The following MRPL42 variants were observed in gnomAD, a reference collection of about 807,000 sequenced individuals.
MRPL42 encodes the protein mitochondrial ribosomal protein L42.
In MRPL42, 17 loss-of-function variants were observed where a neutral mutation model predicts 17.9. The ratio of observed to expected loss-of-function variants is 0.95; its 90% CI spans 0.65 to 1.42. The LOEUF (loss-of-function observed/expected upper bound fraction) is 1.42, where lower values mean the gene tolerates loss of function less well. Among genes scored for constraint, MRPL42 ranks in the 40% most tolerant of loss-of-function variants. The pLI is 0.00. For synonymous variants in MRPL42, 59 were observed against 54.4 expected, an observed-to-expected ratio of 1.08 and a Z score of -0.37; for missense variants, 177 against 175.2, an observed-to-expected ratio of 1.01 and a Z score of -0.06.
At position 93,503,807 on chromosome 12, in the gene MRPL42, A is replaced by T. The variant is rs1329960139; in HGVS notation, c.*2586A>T. The stretch of plus-strand genomic sequence containing the variant: ...GTAATGCTTTTTTCACTTAATAGGA[A>T]TTTTTTCCGTATCATTAAGTACTCT... On this transcript the variant is annotated 3_prime_UTR_variant, in exon 6 of 6. Coordinates refer to ENST00000549982, the MANE Select transcript of MRPL42 (RefSeq NM_014050.4). 6.6e-6 allele frequency: 1 copy of T among 151,498 alleles called. No individual in the cohort carries two copies. Among genetic ancestry groups the T allele is most frequent in the Non-Finnish European group, 1.5e-5 (1 of 67,948 alleles). The allele number at this position is 151,498 out of a possible 1,614,324, so 9.4% of individuals were successfully genotyped here. A position where few individuals can be genotyped will look rare whatever the true frequency, so the allele number is the denominator to read the frequency against.
At chr12:93,467,991 A>G (rs1432631076) in intron 1 of MRPL42, among the ~76,000 whole-genome samples, 1 of 152,132 alleles carries the variant, frequency 6.6e-6, no homozygotes, top group Non-Finnish European at 1.5e-5. Context: ...GAGGGGACCT[A>G]ATTTCCCCCA....
chr12:93,471,891 G>C (rs1289233103), intron 2 of MRPL42, among the ~76,000 whole-genome samples: 1 of 152,112 alleles, frequency 6.6e-6, no homozygotes, highest in East Asian at 1.9e-4. Flanking sequence ...TGCCTTGCAG[G>C]AACCCAGCTC....
intron 4 of MRPL42, among the ~76,000 whole-genome samples, chr12:93,484,610 T>A (rs1054066617): frequency 6.6e-6 from 1 of 151,996 alleles, no homozygotes; most frequent in African/African-American, 2.4e-5. Flanking sequence ...AAAACATTGT[T>A]ATTTCAGGCA....
intron 5 of MRPL42, among the ~76,000 whole-genome samples, chr12:93,490,383 T>C (rs953383815): frequency 6.6e-6 from 1 of 152,206 alleles, no homozygotes; most frequent in Non-Finnish European, 1.5e-5. Context: ...TGACTTTAAT[T>C]AGATTATCCC....
intron 5 of MRPL42, among the ~76,000 whole-genome samples, chr12:93,496,085 G>T (rs1953495919): frequency 6.6e-6 from 1 of 152,168 alleles, no homozygotes; most frequent in Admixed American, 6.5e-5. Flanking sequence ...TTGACACGGA[G>T]TCTTGCTTTG....
rs1415217464 is a variant in MRPL42, at chr12:93,487,138, A to AT, written c.220-351dup. 3.3e-5 allele frequency among the ~76,000 whole-genome samples: 5 copies of AT among 150,796 alleles called. 1 individual carries two copies. Among genetic ancestry groups the AT allele is most frequent in the East Asian group, 2.0e-4 (1 of 5,106 alleles). Reference sequence around the variant, plus strand: ...GCCATCACACCTAGATAGTTTTTAAATTTTTTTTGTCTGACCATGTTGTCC... The same window carrying AT: ...GCCATCACACCTAGATAGTTTTTAAATTTTTTTTTGTCTGACCATGTTGTCC... On this transcript the variant is annotated intron_variant, in intron 4 of 5. Coordinates refer to ENST00000549982, the MANE Select transcript of MRPL42 (RefSeq NM_014050.4).
Position 93,507,635 on chromosome 12 carries a change from CTT to C in MRPL42, c.*6415_*6416del, listed in dbSNP as rs1210550516. ...ATAGTCTGGATCCAGCTCAGCTTAT[CTT>C]GGCTGGACTTGCCCATGCAGCTGAG... On this transcript the variant is annotated 3_prime_UTR_variant, in exon 6 of 6. Coordinates refer to ENST00000549982, the MANE Select transcript of MRPL42 (RefSeq NM_014050.4). 1 of 152,258 alleles carries C rather than the reference CTT, an allele frequency of 6.6e-6. No homozygotes were observed. Among genetic ancestry groups the C allele is most frequent in the Non-Finnish European group, 1.5e-5 (1 of 68,064 alleles). The allele number at this position is 152,258 out of a possible 1,614,324, so 9.4% of individuals were successfully genotyped here. A position where few individuals can be genotyped will look rare whatever the true frequency, so the allele number is the denominator to read the frequency against.
Position 93,513,745 on chromosome 12 carries a change from G to A in MRPL42, c.*12524G>A, listed in dbSNP as rs1450983188. The A allele has an allele frequency of 6.6e-6, 1 of 151,846 alleles. No homozygotes were observed. The highest frequency in any genetic ancestry group is 1.5e-5 in the Non-Finnish European group (1 of 67,968). The allele number at this position is 151,846 out of a possible 1,614,324, so 9.4% of individuals were successfully genotyped here. ...ATATCCATTAACATAATTAAAAATT[G>A]GGGCTTTTAAAAAATGTTTTTCATT... On this transcript the variant is annotated 3_prime_UTR_variant, in exon 6 of 6. Coordinates refer to ENST00000549982, the MANE Select transcript of MRPL42 (RefSeq NM_014050.4).
intron 4 of MRPL42, among the ~76,000 whole-genome samples, chr12:93,482,673 T>C (rs1441322739): frequency 6.6e-6 from 1 of 152,132 alleles, no homozygotes; most frequent in African/African-American, 2.4e-5. Context: ...AGAATAATAG[T>C]AACATGGGCT....
chr12:93,471,634 C>A (rs1271368503), intron 2 of MRPL42, among the ~76,000 whole-genome samples: 1 of 152,126 alleles, frequency 6.6e-6, no homozygotes, highest in African/African-American at 2.4e-5. Flanking sequence ...GCTTTCCATC[C>A]CTGCTTCCTT....
At chr12:93,485,850 C>G (rs1880716853) in intron 4 of MRPL42, among the ~76,000 whole-genome samples, 1 of 152,112 alleles carries the variant, frequency 6.6e-6, no homozygotes, top group African/African-American at 2.4e-5. Flanking sequence ...CACTCTTGCT[C>G]AGGCAGGAGG....
At chr12:93,483,795 T>TA (rs751100015) in intron 4 of MRPL42, among the ~76,000 whole-genome samples, 1 of 152,088 alleles carries the variant, frequency 6.6e-6, no homozygotes, top group Admixed American at 6.6e-5. Context: ...TTAATAAACT[T>TA]AAAAAAAATT....
intron 2 of MRPL42, among the ~76,000 whole-genome samples, chr12:93,474,065 A>C (rs955325158): frequency 6.6e-6 from 1 of 152,192 alleles, no homozygotes; most frequent in South Asian, 2.1e-4. Flanking sequence ...GCAGAATGTG[A>C]TAAGTGTGTC....
intron 5 of MRPL42, 168 bp from the exon 6 acceptor site, chr12:93,501,008 T>A: frequency 1.8e-6 from 1 of 543,076 alleles, no homozygotes; most frequent in Non-Finnish European, 3.2e-6. Flanking sequence ...AGAAAACAAA[T>A]TTTCACAATG....
rs76530620 is a variant in MRPL42, at chr12:93,484,111, A to T, written c.220-3386A>T. ...GTGTCTTCTTCTGGAATACCTCCTG[A>T]GGGGCTTGCCTGAGGCTGTTTTACA... On this transcript the variant is annotated intron_variant, in intron 4 of 5. Coordinates refer to ENST00000549982, the MANE Select transcript of MRPL42 (RefSeq NM_014050.4). Among the ~76,000 whole-genome samples the T allele has an allele frequency of 5.2e-3, 786 of 152,228 alleles. 3 individuals carry two copies. The highest frequency in any genetic ancestry group is 7.7e-3 in the Non-Finnish European group (525 of 68,010).
intron 5 of MRPL42, among the ~76,000 whole-genome samples, chr12:93,490,293 A>G (rs1953388265): frequency 6.6e-6 from 1 of 152,234 alleles, no homozygotes; most frequent in Admixed American, 6.5e-5. Context: ...CTTACTGCTA[A>G]TCAGCTTTTG....
Position 93,488,807 on chromosome 12 carries a change from A to G in MRPL42, c.383+1147A>G, listed in dbSNP as rs114745377. 3.7e-3 allele frequency among the ~76,000 whole-genome samples: 566 copies of G among 151,492 alleles called. 5 individuals carry two copies. The highest frequency in any genetic ancestry group is 0.012 in the African/African-American group (504 of 41,418). ...TTTTCTTTTGTATCTATCTTCTTCC[A>G]TACCAAACTATAAGATGTTTTTGTT... is the stretch of plus-strand genomic sequence containing the variant. On this transcript the variant is annotated intron_variant, in intron 5 of 5. Coordinates refer to ENST00000549982, the MANE Select transcript of MRPL42 (RefSeq NM_014050.4).
intron 5 of MRPL42, among the ~76,000 whole-genome samples, chr12:93,497,980 T>A (rs1438026281): frequency 1.6e-5 from 2 of 128,048 alleles, no homozygotes; most frequent in Non-Finnish European, 3.2e-5. Flanking sequence ...CTTTTGAACA[T>A]GTCCTTCCTT....
At position 93,514,299 on chromosome 12, in the gene MRPL42, T is replaced by TC. The variant is rs1475452485; in HGVS notation, c.*13078_*13079insC. 6.1e-5 allele frequency: 2 copies of TC among 32,770 alleles called. No homozygotes were observed. The highest frequency in any genetic ancestry group is 1.9e-4 in the African/African-American group (2 of 10,630). 2.0% of individuals were successfully genotyped at this position (32,770 alleles called of 1,614,324 possible). A position where few individuals can be genotyped will look rare whatever the true frequency, so the allele number is the denominator to read the frequency against. On this transcript the variant is annotated 3_prime_UTR_variant, in exon 6 of 6. Coordinates refer to ENST00000549982, the MANE Select transcript of MRPL42 (RefSeq NM_014050.4). ...CTGCTTTTTCTTTCTTTCTTTCTTT[T>TC]TTTTTTTTTTTTTTTTGAGATGGCG...
Sources: allele counts gnomAD v4.1 joint callset (sites outside exome capture counted in the v4.1 genomes callset), GRCh38; gene constraint gnomAD v4.1.1; transcripts MANE v1.5; gene names NCBI Gene and HGNC (gene_info 2026-07-23, HGNC 2026-07-21).